Variants in CDH8 observed in about 807,000 individuals in gnomAD.
The protein encoded by CDH8 is cadherin-8.
CDH8 carries 17 observed loss-of-function variants against 68.1 expected under a neutral mutation model. The observed-to-expected ratio is 0.25, with a 90% CI of 0.17 to 0.37. CDH8 has a LOEUF of 0.37. Ranked by LOEUF, CDH8 falls within the 10% of genes least tolerant of loss-of-function variation. CDH8 has a pLI of 1.00. For missense variants in CDH8, 763 were observed against 999.3 expected, an observed-to-expected ratio of 0.76 and a Z score of 3.19; for synonymous variants, 372 against 365.1, an observed-to-expected ratio of 1.02 and a Z score of -0.21.
chr16:62,030,543 A>T (rs2150621887), intron 1 of CDH8, among the ~76,000 whole-genome samples: 1 of 152,254 alleles, frequency 6.6e-6, no homozygotes, highest in South Asian at 2.1e-4. Context: ...CATAAAAAGG[A>T]AATAATTTCC....
At chr16:61,967,408 T>C (rs1359743999) in intron 2 of CDH8, among the ~76,000 whole-genome samples, 5 of 152,208 alleles carry the variant, frequency 3.3e-5, no homozygotes, top group African/African-American at 9.6e-5. Flanking sequence ...AAAAATCTCA[T>C]GCTGGGATTA....
intron 2 of CDH8, among the ~76,000 whole-genome samples, chr16:62,013,324 G>T (rs1901861732): frequency 1.3e-5 from 2 of 149,258 alleles, no homozygotes; most frequent in African/African-American, 4.9e-5. Flanking sequence ...CATTGGCAAT[G>T]TGTATGCATT....
intron 2 of CDH8, among the ~76,000 whole-genome samples, chr16:61,915,305 G>A (rs1010874260): frequency 1.3e-5 from 2 of 152,072 alleles, no homozygotes; most frequent in African/African-American, 4.8e-5. Flanking sequence ...CTAATTGAGA[G>A]TATCCCTATC....
At chr16:61,979,064 A>AC (rs1965488403) in intron 2 of CDH8, among the ~76,000 whole-genome samples, 2 of 152,112 alleles carry the variant, frequency 1.3e-5, no homozygotes, top group South Asian at 4.2e-4. Flanking sequence ...AGAAAAAAAA[A>AC]AAAAGCAGAG....
intron 8 of CDH8, among the ~76,000 whole-genome samples, chr16:61,761,373 C>G (rs1237045730): frequency 6.6e-6 from 1 of 152,132 alleles, no homozygotes; most frequent in Non-Finnish European, 1.5e-5. Flanking sequence ...ATTCAAAATG[C>G]ATTTCCCAGA....
chr16:61,927,080 T>C (rs535956582), intron 2 of CDH8, among the ~76,000 whole-genome samples: 1 of 152,306 alleles, frequency 6.6e-6, no homozygotes, highest in African/African-American at 2.4e-5. Context: ...GTCATGTAAT[T>C]CAATATCCTT....
chr16:61,903,623 T>C (rs965428066), intron 2 of CDH8, among the ~76,000 whole-genome samples: 1 of 152,202 alleles, frequency 6.6e-6, no homozygotes, highest in Non-Finnish European at 1.5e-5. Flanking sequence ...GCATAGGTTT[T>C]TGAAAGAACA....
At chr16:61,902,171 T>C (rs1029097256) in intron 2 of CDH8, among the ~76,000 whole-genome samples, 1 of 152,192 alleles carries the variant, frequency 6.6e-6, no homozygotes, top group Admixed American at 6.5e-5. Flanking sequence ...GGCCAGAATT[T>C]AGGAGTACAT....
chr16:61,964,263 C>T (rs961256302), intron 2 of CDH8, among the ~76,000 whole-genome samples: 2 of 152,096 alleles, frequency 1.3e-5, no homozygotes, highest in Non-Finnish European at 2.9e-5. Flanking sequence ...AAGATAATAA[C>T]CTACCCAATT....
intron 8 of CDH8, among the ~76,000 whole-genome samples, chr16:61,756,404 G>A (rs8048871): frequency 0.16 from 24,993 of 151,938 alleles, 2,210 homozygotes; most frequent in Middle Eastern, 0.21. Context: ...ATTATATAGC[G>A]GATTACTAGT....
At chr16:61,984,428 C>G (rs988650628) in intron 2 of CDH8, among the ~76,000 whole-genome samples, 1 of 151,030 alleles carries the variant, frequency 6.6e-6, no homozygotes, top group African/African-American at 2.4e-5. Context: ...TTTCTTTTTC[C>G]TCATCTTTTG....
chr16:62,016,034 C>T (rs980576679), intron 2 of CDH8, among the ~76,000 whole-genome samples: 1 of 152,174 alleles, frequency 6.6e-6, no homozygotes, highest in Admixed American at 6.5e-5. Context: ...TAGCCTTGAA[C>T]ATGCTATTTC....
At chr16:61,703,764 C>T (rs1964479011) in intron 10 of CDH8, among the ~76,000 whole-genome samples, 1 of 152,130 alleles carries the variant, frequency 6.6e-6, no homozygotes, top group African/African-American at 2.4e-5. Flanking sequence ...GGCGTGAACC[C>T]GGGAGGCGGA....
chr16:62,024,721 T>A (rs1259880559), intron 1 of CDH8, among the ~76,000 whole-genome samples: 1 of 152,240 alleles, frequency 6.6e-6, no homozygotes, highest in African/African-American at 2.4e-5. Context: ...TATCTTACTG[T>A]TAGATAAAGC....
intron 4 of CDH8, among the ~76,000 whole-genome samples, chr16:61,843,038 G>A (rs529727898): frequency 1.3e-5 from 2 of 152,048 alleles, no homozygotes; most frequent in African/African-American, 4.8e-5. Context: ...ATGGGCTAAA[G>A]GGTGGCTCTA....
At chr16:61,899,046 G>T (rs995667289) in intron 3 of CDH8, among the ~76,000 whole-genome samples, 2 of 152,000 alleles carry the variant, frequency 1.3e-5, no homozygotes, top group African/African-American at 4.8e-5. Context: ...TGTTACATAG[G>T]TATGCACGTG....
At chr16:61,785,295 G>T (rs1178642869) in intron 8 of CDH8, among the ~76,000 whole-genome samples, 1 of 96,720 alleles carries the variant, frequency 1.0e-5, no homozygotes. Flanking sequence ...TACCATCAGA[G>T]AATACTACAA....
chr16:62,015,348 G>A (rs1901910681), intron 2 of CDH8, among the ~76,000 whole-genome samples: 1 of 151,984 alleles, frequency 6.6e-6, no homozygotes, highest in Non-Finnish European at 1.5e-5. Flanking sequence ...AATACTTCTA[G>A]TCCCAAGCAT....
intron 2 of CDH8, among the ~76,000 whole-genome samples, chr16:61,909,197 T>C (rs1597057737): frequency 6.6e-6 from 1 of 152,112 alleles, no homozygotes; most frequent in Admixed American, 6.5e-5. Flanking sequence ...CAGCTGCTGG[T>C]GTGAGCGTTG....
Sources: gnomAD v4.1 joint callset for allele counts (sites outside exome capture counted in the v4.1 genomes callset) on GRCh38, gnomAD v4.1.1 for gene constraint, MANE v1.5 for transcripts, NCBI Gene and HGNC (gene_info 2026-07-23, HGNC 2026-07-21) for gene names.